VPS16: variants seen among roughly 807,000 people sequenced by gnomAD.
VPS16 encodes VPS16 core subunit of CORVET and HOPS complexes.
VPS16 carries 82 observed loss-of-function variants against 116.0 expected under a neutral mutation model. The ratio of observed to expected loss-of-function variants is 0.71; its 90% CI spans 0.59 to 0.85. The LOEUF (loss-of-function observed/expected upper bound fraction) is 0.85, where lower values mean the gene tolerates loss of function less well. VPS16 is among the 40% of genes least tolerant of loss of function. VPS16 has a pLI of 0.00. For missense variants in VPS16, 928 were observed against 1,090.6 expected (o/e 0.85, Z 2.10); for synonymous variants, 406 against 420.7 (o/e 0.96, Z 0.43).
chr20:2,857,791 A>C (rs1231596655), intron 1 of VPS16, among the ~76,000 whole-genome samples: 1 of 149,756 alleles, frequency 6.7e-6, no homozygotes, highest in Non-Finnish European at 1.5e-5. Flanking sequence ...GCTCACTGTA[A>C]CTTCTGCCTC....
rs189545955 is a variant in VPS16, at chr20:2,863,560, C to T, written c.1476+162C>T. On this transcript the variant is annotated intron_variant, in intron 15 of 23. Coordinates refer to ENST00000380445, the MANE Select transcript of VPS16 (RefSeq NM_022575.4). This position sits in a 1 kb window ranked among gnomAD's most constrained non-coding sequence, Gnocchi z 4.4. Reference sequence around the variant, plus strand: ...GGCGAATCACCTGAGGTCAGGTATTCGAGACTAGCCTGGCTAACATGGTGA... The same window carrying T: ...GGCGAATCACCTGAGGTCAGGTATTTGAGACTAGCCTGGCTAACATGGTGA... Among the ~76,000 whole-genome samples the T allele has an allele frequency of 9.9e-5, 15 of 151,888 alleles. No homozygotes were observed. The highest frequency in any genetic ancestry group is 1.7e-4 in the African/African-American group (7 of 41,308).
At chr20:2,846,913 C>G (rs931403217) in intron 1 of VPS16, among the ~76,000 whole-genome samples, 5 of 152,160 alleles carry the variant, frequency 3.3e-5, no homozygotes, top group Non-Finnish European at 7.3e-5. Flanking sequence ...ATTCCAAGGT[C>G]CATTTACTGC....
At position 2,862,113 on chromosome 20, in the gene VPS16, G is replaced by C; in HGVS notation, c.1054G>C (p.Ala352Pro). 1 of 1,613,756 alleles carries C rather than the reference G, an allele frequency of 6.2e-7. No homozygotes were observed. The highest frequency in any genetic ancestry group is 8.5e-7 in the Non-Finnish European group (1 of 1,179,892). ...GGCCCCCGGGGCGCTGCTCCTGGAGGCTCAGAAGGAGTATGAGGTAAAGCC... is the reference window on the plus strand; with the variant it reads ...GGCCCCCGGGGCGCTGCTCCTGGAGCCTCAGAAGGAGTATGAGGTAAAGCC... ...SMAPGALLLEAQKEYEKESQK... is the reference protein window; with the variant it reads ...SMAPGALLLEPQKEYEKESQK... The change falls in exon 11 of 24, where the codon GCT becomes CCT. Residue 352 changes from alanine (A) to proline (P), a missense_variant. Transcript: ENST00000380445.
intron 1 of VPS16, among the ~76,000 whole-genome samples, chr20:2,842,231 G>A (rs2088984308): frequency 6.6e-6 from 1 of 152,156 alleles, no homozygotes; most frequent in Non-Finnish European, 1.5e-5. Flanking sequence ...GAGCCCAGAA[G>A]TTTGAGGGTG....
chr20:2,864,490 T>G lies in VPS16; in HGVS notation c.1818+28T>G, dbSNP rs764194367. On this transcript the variant is annotated intron_variant, in intron 18 of 23. Coordinates refer to ENST00000380445, the MANE Select transcript of VPS16 (RefSeq NM_022575.4). This position sits in a 1 kb window ranked among gnomAD's most constrained non-coding sequence, Gnocchi z 5.2. ...GTGTGTAGTGGGCAGGGTTGTGGTG[T>G]AGCCTTCTGAGCACTTGAGTTGGCC... The G allele has an allele frequency of 2.1e-5, 34 of 1,613,988 alleles. No homozygotes were observed. The highest frequency in any genetic ancestry group is 2.8e-5 in the Non-Finnish European group (33 of 1,179,982).
At chr20:2,847,685 G>T (rs2089074952) in intron 1 of VPS16, among the ~76,000 whole-genome samples, 1 of 151,906 alleles carries the variant, frequency 6.6e-6, no homozygotes, top group Non-Finnish European at 1.5e-5. Context: ...CACCATGTTG[G>T]TAAGGATGGT....
chr20:2,862,625 T>A lies in VPS16; in HGVS notation c.1118T>A (p.Leu373Gln), dbSNP rs2089245048. 2 of 1,612,966 alleles carry A rather than the reference T, an allele frequency of 1.2e-6. No homozygotes were observed. The highest frequency in any genetic ancestry group is 1.7e-6 in the Non-Finnish European group (2 of 1,179,850). ...ADEYLREIQE[L>Q]GQLTQAVQQC... ...GAGTACCTGCGGGAGATCCAGGAGC[T>A]GGGCCAGCTGACCCAGGCCGTGCAG... Residue 373 changes from leucine to glutamine, a missense_variant, in exon 12 of 24, where the codon CTG (leucine) becomes CAG (glutamine). By Grantham distance (113) the Leu-to-Gln change is moderately radical. Coordinates refer to ENST00000380445, the MANE Select transcript of VPS16 (RefSeq NM_022575.4).
chr20:2,862,573 C>T lies in VPS16; in HGVS notation c.1072-6C>T, dbSNP rs759031220. Reference sequence around the variant, plus strand: ...GATGCCCTGGCTCTGGACTGCTCCCCACCAGAAAGAGAGCCAGAAGGCGGA... The same window carrying T: ...GATGCCCTGGCTCTGGACTGCTCCCTACCAGAAAGAGAGCCAGAAGGCGGA... On this transcript the variant is annotated splice_polypyrimidine_tract_variant and splice_region_variant and intron_variant, in intron 11 of 23. Transcript: ENST00000380445. 6.2e-7 allele frequency: 1 copy of T among 1,612,594 alleles called. No homozygotes were observed. Among genetic ancestry groups the T allele is most frequent in the South Asian group, 1.1e-5 (1 of 90,904 alleles).
chr20:2,854,587 A>C (rs2089153750), intron 1 of VPS16, among the ~76,000 whole-genome samples: 1 of 152,044 alleles, frequency 6.6e-6, no homozygotes, highest in South Asian at 2.1e-4. Context: ...TGAGGTCAGG[A>C]GTTCGAGACC....
At chr20:2,853,422 CA>C (rs2089141214) in intron 1 of VPS16, among the ~76,000 whole-genome samples, 1 of 151,942 alleles carries the variant, frequency 6.6e-6, no homozygotes, top group African/African-American at 2.4e-5. Context: ...AAAAAAAACC[CA>C]CTTTCTTTGC....
At chr20:2,842,896 A>AGATGTATCTATCTATC (rs1568621156) in intron 1 of VPS16, among the ~76,000 whole-genome samples, 1 of 150,116 alleles carries the variant, frequency 6.7e-6, no homozygotes, top group African/African-American at 2.5e-5. Flanking sequence ...ATCGATAGAT[A>AGATGTATCTATCTATC]GATAGATATA....
In VPS16 at chr20:2,863,896, T is replaced by C; in HGVS notation, c.1477-53T>C. The C allele has an allele frequency of 1.3e-6, 2 of 1,586,096 alleles. No individual in the cohort carries two copies. The highest frequency in any genetic ancestry group is 8.6e-7 in the Non-Finnish European group (1 of 1,163,290). On this transcript the variant is annotated intron_variant, in intron 15 of 23. Transcript: ENST00000380445. This position sits in a 1 kb window ranked among gnomAD's most constrained non-coding sequence, Gnocchi z 4.4. ...GGTGGGTCCTAAGGGCTTGCAGGAG[T>C]GGAGAGTGAGGAATGGCATCCAGAT...
intron 1 of VPS16, among the ~76,000 whole-genome samples, chr20:2,843,892 T>C (rs957927998): frequency 6.6e-6 from 1 of 152,250 alleles, no homozygotes; most frequent in African/African-American, 2.4e-5. Flanking sequence ...AGGATATTTA[T>C]GTTTTAAGTT....
At chr20:2,848,349 TCCAC>T (rs1248362385) in intron 1 of VPS16, among the ~76,000 whole-genome samples, 1 of 152,148 alleles carries the variant, frequency 6.6e-6, no homozygotes, top group African/African-American at 2.4e-5. Flanking sequence ...GCTCAGGTGA[TCCAC>T]CCACCTCAGC....
At chr20:2,851,434 C>A (rs1287639205) in intron 1 of VPS16, among the ~76,000 whole-genome samples, 1 of 151,944 alleles carries the variant, frequency 6.6e-6, no homozygotes, top group African/African-American at 2.4e-5. Flanking sequence ...CGTGGAGAAA[C>A]CCCGTCTCTA....
chr20:2,846,798 C>A (rs1266516810), intron 1 of VPS16, among the ~76,000 whole-genome samples: 2 of 152,212 alleles, frequency 1.3e-5, no homozygotes, highest in African/African-American at 4.8e-5. Flanking sequence ...AGTTCAGCTG[C>A]CCTGCCACAG....
intron 1 of VPS16, among the ~76,000 whole-genome samples, chr20:2,854,027 G>A (rs921328097): frequency 2.6e-5 from 4 of 152,038 alleles, no homozygotes; most frequent in African/African-American, 9.7e-5. Flanking sequence ...TTCCAGCTGA[G>A]ATTGCACCAC....
chr20:2,862,243 T>G, intron 11 of VPS16, 113 bp downstream of exon 11: 3 of 1,282,190 alleles, frequency 2.3e-6, no homozygotes, highest in Non-Finnish European at 3.2e-6. Context: ...GGCAGGACAC[T>G]GGTCTGGGCT....
rs553204711 is a variant in VPS16, at chr20:2,864,682, G to A, written c.1926+28G>A. On this transcript the variant is annotated intron_variant, in intron 19 of 23. Transcript: ENST00000380445. The surrounding 1 kb of genome is among the most constrained non-coding windows in gnomAD (Gnocchi z 5.2). Reference sequence around the variant, plus strand: ...CTGAGATCCATGGGGCGTGTGGGGCGTGTGGGGCATGTGGGCTGGGGCTGT... The same window carrying A: ...CTGAGATCCATGGGGCGTGTGGGGCATGTGGGGCATGTGGGCTGGGGCTGT... 6.6e-5 allele frequency: 106 copies of A among 1,601,520 alleles called. No homozygotes were observed. Among genetic ancestry groups the A allele is most frequent in the South Asian group, 9.9e-5 (9 of 90,956 alleles).
Sources: gnomAD v4.1 joint callset for allele counts (sites outside exome capture counted in the v4.1 genomes callset) on GRCh38, gnomAD v4.1.1 for gene constraint, Gnocchi (gnomAD v3.1) non-coding constraint, MANE v1.5 for transcripts, NCBI Gene and HGNC (gene_info 2026-07-23, HGNC 2026-07-21) for gene names.